KCNH8: variants seen among roughly 807,000 people sequenced by gnomAD.
The protein encoded by KCNH8 is voltage-gated delayed rectifier potassium channel KCNH8.
In KCNH8, 70 loss-of-function variants were observed where a neutral mutation model predicts 103.6. That is an observed-to-expected ratio of 0.68 (90% CI 0.56 to 0.82). KCNH8 has a LOEUF of 0.82. KCNH8 is among the 40% of genes least tolerant of loss of function. The pLI is 0.00. For synonymous variants in KCNH8, 498 were observed against 489.4 expected, an observed-to-expected ratio of 1.02 and a Z score of -0.23; for missense variants, 1,217 against 1,329.9, an observed-to-expected ratio of 0.92 and a Z score of 1.32.
At chr3:19,414,114 G>A (rs2066826208) in intron 7 of KCNH8, among the ~76,000 whole-genome samples, 1 of 151,992 alleles carries the variant, frequency 6.6e-6, no homozygotes, top group Non-Finnish European at 1.5e-5. Context: ...CAAGAAAATG[G>A]GACAATCGTC....
chr3:19,499,213 A>T (rs1477130645), intron 11 of KCNH8, among the ~76,000 whole-genome samples: 1 of 152,170 alleles, frequency 6.6e-6, no homozygotes, highest in Non-Finnish European at 1.5e-5. Context: ...AAATGAATGA[A>T]ATGAAGCGAG....
chr3:19,193,481 A>G (rs995516922), intron 1 of KCNH8, among the ~76,000 whole-genome samples: 4 of 151,658 alleles, frequency 2.6e-5, no homozygotes, highest in Non-Finnish European at 5.9e-5. Context: ...GTTAGACCCA[A>G]GAGATACAAT....
At chr3:19,472,968 T>G (rs892531366) in intron 11 of KCNH8, among the ~76,000 whole-genome samples, 3 of 152,212 alleles carry the variant, frequency 2.0e-5, no homozygotes, top group Non-Finnish European at 2.9e-5. Flanking sequence ...AGGTAATTTG[T>G]TTATATTACC....
intron 5 of KCNH8, among the ~76,000 whole-genome samples, chr3:19,359,673 A>G (rs139169257): frequency 6.6e-6 from 1 of 152,190 alleles, no homozygotes; most frequent in Non-Finnish European, 1.5e-5. Context: ...GTGACAATCA[A>G]AATTGCCTCT....
At chr3:19,316,227 G>C (rs955066165) in intron 3 of KCNH8, among the ~76,000 whole-genome samples, 1 of 151,756 alleles carries the variant, frequency 6.6e-6, no homozygotes, top group African/African-American at 2.4e-5. Context: ...TTTGTTGTGG[G>C]GGACTGTCTT....
chr3:19,192,428 C>T (rs2063562255), intron 1 of KCNH8, among the ~76,000 whole-genome samples: 1 of 151,614 alleles, frequency 6.6e-6, no homozygotes, highest in African/African-American at 2.4e-5. Context: ...AATATTTCTC[C>T]AAGGAATGGC....
At chr3:19,171,640 C>G (rs7639209) in intron 1 of KCNH8, among the ~76,000 whole-genome samples, 6,284 of 152,190 alleles carry the variant, frequency 0.041, 438 homozygotes, top group African/African-American at 0.14. Context: ...ACTAGATCCA[C>G]TTAAATGATC....
intron 11 of KCNH8, among the ~76,000 whole-genome samples, chr3:19,494,850 C>A (rs2068403697): frequency 6.6e-6 from 1 of 152,074 alleles, no homozygotes; most frequent in Non-Finnish European, 1.5e-5. Flanking sequence ...TCCCCCGTAA[C>A]CTTGCTAGCA....
intron 11 of KCNH8, among the ~76,000 whole-genome samples, chr3:19,479,108 A>G (rs561373342): frequency 2.5e-4 from 38 of 152,178 alleles, no homozygotes; most frequent in South Asian, 1.2e-3. Context: ...ATGCTACCCA[A>G]CCTCCTAAGT....
chr3:19,295,200 GGAGACACTGT>G (rs1038694250), intron 3 of KCNH8, among the ~76,000 whole-genome samples: 36 of 151,918 alleles, frequency 2.4e-4, no homozygotes, highest in African/African-American at 7.0e-4. Context: ...GGGAACACAG[GGAGACACTGT>G]CTGTACAAAA....
intron 11 of KCNH8, among the ~76,000 whole-genome samples, chr3:19,474,210 A>C (rs2067922564): frequency 6.6e-6 from 1 of 152,226 alleles, no homozygotes; most frequent in Non-Finnish European, 1.5e-5. Flanking sequence ...AATTTAAAAC[A>C]AATTGCAAAA....
At chr3:19,356,577 T>A (rs1309210649) in intron 5 of KCNH8, among the ~76,000 whole-genome samples, 4 of 152,004 alleles carry the variant, frequency 2.6e-5, no homozygotes, top group Non-Finnish European at 4.4e-5. Flanking sequence ...ATAGTTACCT[T>A]TAGTTTGAAA....
intron 1 of KCNH8, among the ~76,000 whole-genome samples, chr3:19,170,789 CAT>C (rs35694087): frequency 0.25 from 27,009 of 106,784 alleles, 3,600 homozygotes; most frequent in Non-Finnish European, 0.33. Flanking sequence ...CACACACACA[CAT>C]ATATATATAT....
chr3:19,524,496 C>T (rs1174316594), intron 15 of KCNH8, among the ~76,000 whole-genome samples: 3 of 151,538 alleles, frequency 2.0e-5, no homozygotes, highest in Non-Finnish European at 4.4e-5. Context: ...GGTTATTTTC[C>T]AGTTCTTAAG....
At chr3:19,435,053 C>A (rs1559326508) in intron 7 of KCNH8, among the ~76,000 whole-genome samples, 1 of 151,978 alleles carries the variant, frequency 6.6e-6, no homozygotes. Flanking sequence ...CACACACACA[C>A]AAAAAGACAA....
intron 15 of KCNH8, among the ~76,000 whole-genome samples, chr3:19,528,110 G>A (rs1202333597): frequency 2.6e-5 from 4 of 151,974 alleles, no homozygotes; most frequent in African/African-American, 7.2e-5. Context: ...AAGAAAAAAA[G>A]AGGAAGAGGG....
chr3:19,213,531 T>C (rs2063790242), intron 1 of KCNH8, among the ~76,000 whole-genome samples: 1 of 152,162 alleles, frequency 6.6e-6, no homozygotes, highest in African/African-American at 2.4e-5. Flanking sequence ...CCAAAATGCT[T>C]CCCCAATCCC....
chr3:19,149,243 T>C (rs932267373), intron 1 of KCNH8, among the ~76,000 whole-genome samples: 1 of 152,162 alleles, frequency 6.6e-6, no homozygotes, highest in East Asian at 1.9e-4. Flanking sequence ...AGGTATGATT[T>C]TCTATCTGAG....
chr3:19,384,487 A>G (rs893861788), intron 5 of KCNH8, among the ~76,000 whole-genome samples: 1 of 152,232 alleles, frequency 6.6e-6, no homozygotes, highest in Non-Finnish European at 1.5e-5. Context: ...ATGAAAAACA[A>G]TAACATTTGG....
Sources: gnomAD v4.1 joint callset for allele counts (sites outside exome capture counted in the v4.1 genomes callset) on GRCh38, gnomAD v4.1.1 for gene constraint, MANE v1.5 for transcripts, NCBI Gene and HGNC (gene_info 2026-07-23, HGNC 2026-07-21) for gene names.